The following SASH1 variants were observed in gnomAD, a reference collection of about 807,000 sequenced individuals.
SASH1 encodes SAM and SH3 domain containing 1, also known as SAM and SH3 domain-containing protein 1.
In SASH1, 44 loss-of-function variants were observed where a neutral mutation model predicts 125.2. The ratio of observed to expected loss-of-function variants is 0.35; its 90% CI spans 0.28 to 0.45. The LOEUF is 0.45. Ranked by LOEUF, SASH1 falls within the 20% of genes least tolerant of loss-of-function variation. The pLI is 1.00. For synonymous variants in SASH1, 639 were observed against 649.1 expected (o/e 0.98, Z 0.24); for missense variants, 1,426 against 1,614.5 (o/e 0.88, Z 2.00).
chr6:148,413,800 G>C (rs933441068), intron 2 of SASH1, among the ~76,000 whole-genome samples: 1 of 151,844 alleles, frequency 6.6e-6, no homozygotes, highest in Non-Finnish European at 1.5e-5. Flanking sequence ...TTCCTTCTCC[G>C]GGCCTCTCCT....
Position 148,281,160 on chromosome 6 carries a change from G to A in SASH1, n.74+8783G>A, listed in dbSNP as rs1436140003. On this transcript the variant is annotated intron_variant and non_coding_transcript_variant, in intron 1 of 3. Transcript: ENST00000367469. Reference sequence around the variant, plus strand: ...TTTAGTAGAGACAGGGTTTCACCGTGTTGGCCAGGCTGGTCTGGATCTCCT... The same window carrying A: ...TTTAGTAGAGACAGGGTTTCACCGTATTGGCCAGGCTGGTCTGGATCTCCT... Among the ~76,000 whole-genome samples the A allele has an allele frequency of 3.9e-5, 5 of 129,102 alleles. No homozygotes were observed. In the East Asian group the frequency reaches 1.2e-3, roughly 30 times the overall value. The allele number at this position is 129,102 out of a possible 152,430, so 84.7% of individuals were successfully genotyped here. A position where few individuals can be genotyped will look rare whatever the true frequency, so the allele number is the denominator to read the frequency against.
chr6:148,236,453 C>G, the SASH1 span, among the ~76,000 whole-genome samples: 1 of 152,136 alleles, frequency 6.6e-6, no homozygotes, highest in Non-Finnish European at 1.5e-5. Context: ...CTCAGGTGAT[C>G]CACCTGTCTC....
At chr6:148,514,601 C>A in intron 9 of SASH1, 145 bp downstream of exon 9, 10 of 1,038,104 alleles carry the variant, frequency 9.6e-6, no homozygotes, top group Non-Finnish European at 1.1e-5. Context: ...TCTGGCAGGA[C>A]TATGCCTGCC....
intron 1 of SASH1, among the ~76,000 whole-genome samples, chr6:148,389,050 G>A (rs565601497): frequency 6.6e-6 from 1 of 152,114 alleles, no homozygotes; most frequent in African/African-American, 2.4e-5. Flanking sequence ...AGGTATTTCT[G>A]TCATCCTCCC....
chr6:148,346,977 A>G (rs2114647954), intron 1 of SASH1, among the ~76,000 whole-genome samples: 1 of 152,294 alleles, frequency 6.6e-6, no homozygotes, highest in African/African-American at 2.4e-5. Flanking sequence ...CTGAGTTAGA[A>G]TCCTGTGGAA....
At chr6:148,421,825 T>C (rs1785117829) in intron 2 of SASH1, among the ~76,000 whole-genome samples, 1 of 152,254 alleles carries the variant, frequency 6.6e-6, no homozygotes, top group African/African-American at 2.4e-5. Flanking sequence ...TCTCGTTATT[T>C]ATAAGAGCAC....
intron 4 of SASH1, among the ~76,000 whole-genome samples, chr6:148,463,364 C>T (rs1028812428): frequency 6.6e-5 from 10 of 152,092 alleles, no homozygotes; most frequent in African/African-American, 2.2e-4. Flanking sequence ...AGGCTGGACT[C>T]GAACTCCTGA....
chr6:148,511,561 T>TA (rs1780141279), intron 8 of SASH1, among the ~76,000 whole-genome samples: 1 of 152,142 alleles, frequency 6.6e-6, no homozygotes, highest in South Asian at 2.1e-4. Context: ...AATTCAAAGG[T>TA]ACAAAGAAGT....
chr6:148,262,947 G>C, the SASH1 span, among the ~76,000 whole-genome samples: 1 of 152,184 alleles, frequency 6.6e-6, no homozygotes, highest in Non-Finnish European at 1.5e-5. Flanking sequence ...AGCTGCTGGG[G>C]TTGTAAATTC....
chr6:148,542,997 C>G (rs1436726716), intron 17 of SASH1, among the ~76,000 whole-genome samples: 1 of 152,176 alleles, frequency 6.6e-6, no homozygotes, highest in African/African-American at 2.4e-5. Flanking sequence ...AACTACCAGT[C>G]GTCAGATAAG....
the SASH1 span, among the ~76,000 whole-genome samples, chr6:148,242,664 T>A: frequency 6.6e-6 from 1 of 152,214 alleles, no homozygotes; most frequent in Non-Finnish European, 1.5e-5. Flanking sequence ...ATTGTAGTTC[T>A]TTCAAAAAGG....
In SASH1 at chr6:148,527,453, G is replaced by C. The variant is rs1158899712; in HGVS notation, c.1285G>C (p.Gly429Arg). 6.3e-7 allele frequency: 1 copy of C among 1,585,872 alleles called. No homozygotes were observed. The highest frequency in any genetic ancestry group is 8.5e-7 in the Non-Finnish European group (1 of 1,171,242). Reference sequence around the variant, plus strand: ...ATACTTGCAACATTTTGTTTTACAGGGTAAAGAAGGAGACTTTGTGTACAA... The same window carrying C: ...ATACTTGCAACATTTTGTTTTACAGCGTAAAGAAGGAGACTTTGTGTACAA... The part of the protein sequence containing the change: ...HVGSNNSDPM[G>R]KEGDFVYKEV... The change falls in exon 12 of 20, where the codon GGT becomes CGT. Residue 429 changes from glycine to arginine, a missense_variant and splice_region_variant. By Grantham distance (125) the Gly-to-Arg change is moderately radical (BLOSUM62 -2). This residue lies in a region of SASH1 where 567 missense variants were observed against 575.6 expected (regional missense o/e 0.99). Transcript: ENST00000367467.
At chr6:148,210,490 G>A in the SASH1 span, among the ~76,000 whole-genome samples, 5 of 152,278 alleles carry the variant, frequency 3.3e-5, no homozygotes, top group Non-Finnish European at 1.5e-5. Flanking sequence ...CCAAGATCGC[G>A]CCATTGCACT....
chr6:148,417,719 G>T (rs532070580), intron 2 of SASH1, among the ~76,000 whole-genome samples: 1,762 of 151,766 alleles, frequency 0.012, 18 homozygotes, highest in Non-Finnish European at 0.017. Flanking sequence ...TTCCTCATTG[G>T]TTTTTTTTAA....
At chr6:148,353,435 A>ATTT (rs377513066) in intron 1 of SASH1, among the ~76,000 whole-genome samples, 18,034 of 108,596 alleles carry the variant, frequency 0.17, 1,832 homozygotes, top group Middle Eastern at 0.25. Flanking sequence ...TTTAAGATTG[A>ATTT]TTTTTTTTTT....
intron 1 of SASH1, among the ~76,000 whole-genome samples, chr6:148,283,948 A>T (rs2128506535): frequency 6.6e-6 from 1 of 152,068 alleles, no homozygotes; most frequent in Non-Finnish European, 1.5e-5. Flanking sequence ...TTAATGAATA[A>T]CCAGGAAGAA....
the SASH1 span, among the ~76,000 whole-genome samples, chr6:148,224,084 A>G: frequency 1.3e-5 from 2 of 152,208 alleles, no homozygotes; most frequent in African/African-American, 4.8e-5. Flanking sequence ...ACTTGAGGCC[A>G]GGAGTTTGAG....
At chr6:148,476,985 A>G (rs1778391608) in intron 7 of SASH1, among the ~76,000 whole-genome samples, 1 of 152,198 alleles carries the variant, frequency 6.6e-6, no homozygotes, top group Admixed American at 6.5e-5. Flanking sequence ...TCTTCAATAA[A>G]TGGTGCTGGG....
chr6:148,449,389 CT>C (rs35961652), intron 4 of SASH1, among the ~76,000 whole-genome samples: 38,594 of 136,830 alleles, frequency 0.28, 5,214 homozygotes, highest in East Asian at 0.34. Context: ...TAATTTCTTT[CT>C]TTTTTTTTTT....
Sources: gnomAD v4.1 joint callset for allele counts (sites outside exome capture counted in the v4.1 genomes callset) on GRCh38, gnomAD v4.1.1 for gene constraint, gnomAD v4.1.1 regional missense constraint, MANE v1.5 for transcripts, NCBI Gene and HGNC (gene_info 2026-07-23, HGNC 2026-07-21) for gene names.